RAP1GAP2: variants seen among roughly 807,000 people sequenced by gnomAD.
RAP1GAP2 encodes the protein rap1 GTPase-activating protein 2.
Under a neutral mutation model 95.0 loss-of-function variants are expected in RAP1GAP2, and 27 were observed. The observed-to-expected ratio is 0.28, with a 90% CI of 0.21 to 0.39. The LOEUF is 0.39. Ranked by LOEUF, RAP1GAP2 falls within the 10% of genes least tolerant of loss-of-function variation. The pLI is 1.00. For missense variants in RAP1GAP2, 771 were observed against 970.0 expected, an observed-to-expected ratio of 0.79 and a Z score of 2.72; for synonymous variants, 373 against 380.9, an observed-to-expected ratio of 0.98 and a Z score of 0.24.
intron 3 of RAP1GAP2, among the ~76,000 whole-genome samples, chr17:2,920,994 C>T (rs769075865): frequency 4.7e-4 from 71 of 152,120 alleles, no homozygotes; most frequent in Non-Finnish European, 8.7e-4. Context: ...ATGTCCCCTG[C>T]GTAGATCTGT....
Position 2,939,930 on chromosome 17 carries a change from A to T in RAP1GAP2, c.166-17829A>T, listed in dbSNP as rs905902776. On this transcript the variant is annotated intron_variant, in intron 3 of 24. Coordinates refer to ENST00000254695, the MANE Select transcript of RAP1GAP2 (RefSeq NM_015085.5). Reference sequence around the variant, plus strand: ...CTTCGGGCGGACACCCGAGTCCTGTAGTTCCTTGTTTGATCTGAAGGAAGT... The same window carrying T: ...CTTCGGGCGGACACCCGAGTCCTGTTGTTCCTTGTTTGATCTGAAGGAAGT... Among the ~76,000 whole-genome samples, 33 of 152,250 alleles carry T rather than the reference A, an allele frequency of 2.2e-4. 1 individual carries two copies. The highest frequency in any genetic ancestry group is 8.0e-4 in the African/African-American group (33 of 41,474).
At chr17:2,892,486 G>A (rs2073757921) in intron 2 of RAP1GAP2, among the ~76,000 whole-genome samples, 1 of 152,208 alleles carries the variant, frequency 6.6e-6, no homozygotes, top group African/African-American at 2.4e-5. Flanking sequence ...GACTGCGACG[G>A]TCCACTGGGG....
intron 8 of RAP1GAP2, among the ~76,000 whole-genome samples, chr17:2,979,254 A>C (rs148344008): frequency 6.6e-6 from 1 of 152,228 alleles, no homozygotes; most frequent in Non-Finnish European, 1.5e-5. Context: ...ATTCCATCCC[A>C]TTTATATTTT....
Position 2,758,104 on chromosome 17 carries a change from C to T in RAP1GAP2, c.50+2337C>T, listed in dbSNP as rs1259326429. ...CCGGATGGTGTCGATCTCCTGACCT[C>T]ATGATCCGCCCGCCTTGGCCTCTCA... On this transcript the variant is annotated intron_variant, in intron 1 of 25. Transcript: ENST00000637138. Among the ~76,000 whole-genome samples, 6 of 150,322 alleles carry T rather than the reference C, an allele frequency of 4.0e-5. No homozygotes were observed. In the East Asian group the frequency reaches 5.9e-4, roughly 15 times the overall value.
At chr17:2,927,291 C>G (rs993563432) in intron 3 of RAP1GAP2, among the ~76,000 whole-genome samples, 2 of 151,910 alleles carry the variant, frequency 1.3e-5, no homozygotes, top group Non-Finnish European at 2.9e-5. Flanking sequence ...GTAGCTGGGA[C>G]TACAGGCACC....
chr17:2,861,812 GC>G (rs2072406801), intron 2 of RAP1GAP2, among the ~76,000 whole-genome samples: 1 of 152,030 alleles, frequency 6.6e-6, no homozygotes, highest in South Asian at 2.1e-4. Context: ...CCGCCACCAT[GC>G]CCGGCTAATT....
At chr17:2,791,857 CTT>C (rs530185952), upstream of RAP1GAP2, among the ~76,000 whole-genome samples, 5 of 136,016 alleles carry the variant, frequency 3.7e-5, no homozygotes, top group Non-Finnish European at 3.2e-5. Context: ...CCTTTTCTCT[CTT>C]TTTTTTTTTT....
At position 2,769,232 on chromosome 17, in the gene RAP1GAP2, TAAAAAAAAAAAAAAA is replaced by T. The variant is rs58436827; in HGVS notation, c.51-1071_51-1057del. Among the ~76,000 whole-genome samples the T allele has an allele frequency of 3.6e-3, 155 of 42,908 alleles. 5 individuals are homozygous for T. The highest frequency in any genetic ancestry group is 0.042 in the Middle Eastern group (2 of 48). 28.1% of individuals were successfully genotyped at this position (42,908 alleles called of 152,430 possible). A position where few individuals can be genotyped will look rare whatever the true frequency, so the allele number is the denominator to read the frequency against. On this transcript the variant is annotated intron_variant, in intron 1 of 25. Coordinates refer to the RAP1GAP2 transcript ENST00000637138. ...GGATGAGAAAGTGAAACCATTTCTC[TAAAAAAAAAAAAAAA>T]AAAAAAAAAAAAAAAAAAAAAAAAA... is the stretch of plus-strand genomic sequence containing the variant.
Position 2,787,549 on chromosome 17 carries a change from C to T in RAP1GAP2, c.-14+10271C>T, listed in dbSNP as rs190909239. On this transcript the variant is annotated intron_variant, in intron 1 of 24. Transcript: ENST00000540393. ...AGGATGACAGGTGTGAGTCACCACA[C>T]GCTGAGCCTGTTTTTTTGTTTTGTT... Among the ~76,000 whole-genome samples, 352 of 152,214 alleles carry T rather than the reference C, an allele frequency of 2.3e-3. 1 individual carries two copies. The highest frequency in any genetic ancestry group is 7.9e-3 in the African/African-American group (330 of 41,534).
At chr17:2,927,379 T>A (rs938473367) in intron 3 of RAP1GAP2, among the ~76,000 whole-genome samples, 1 of 151,632 alleles carries the variant, frequency 6.6e-6, no homozygotes, top group Non-Finnish European at 1.5e-5. Flanking sequence ...GGTCTCGATC[T>A]CCTGACCTCG....
At chr17:2,771,276 G>T (rs1314963900) in intron 2 of RAP1GAP2, among the ~76,000 whole-genome samples, 1 of 151,884 alleles carries the variant, frequency 6.6e-6, no homozygotes, top group Admixed American at 6.6e-5. Flanking sequence ...GTCTGGGTAG[G>T]GGGCTGGGAG....
chr17:2,944,336 A>G (rs1158866903), intron 3 of RAP1GAP2, among the ~76,000 whole-genome samples: 1 of 151,856 alleles, frequency 6.6e-6, no homozygotes, highest in Non-Finnish European at 1.5e-5. Context: ...AGAACTACCA[A>G]CTTCATTCTT....
At chr17:3,026,145 G>A in intron 20 of RAP1GAP2, 24 bp downstream of exon 20, 2 of 1,555,926 alleles carry the variant, frequency 1.3e-6, no homozygotes, top group East Asian at 2.3e-5. Flanking sequence ...GGTGGGAAAG[G>A]CCAGCTTCGG....
intron 1 of RAP1GAP2, among the ~76,000 whole-genome samples, chr17:2,783,375 G>A (rs951280322): frequency 1.3e-5 from 2 of 152,114 alleles, no homozygotes; most frequent in Admixed American, 6.5e-5. Context: ...CCTAGAGCAG[G>A]GACCTGTCTG....
intron 3 of RAP1GAP2, among the ~76,000 whole-genome samples, chr17:2,909,581 G>T (rs1567767236): frequency 6.6e-6 from 1 of 152,246 alleles, no homozygotes; most frequent in East Asian, 1.9e-4. Flanking sequence ...TCCACTGGGT[G>T]CCTGCCCCTG....
At position 2,965,707 on chromosome 17, in the gene RAP1GAP2, G is replaced by T; in HGVS notation, c.596+64G>T. 1 of 1,203,370 alleles carries T rather than the reference G, an allele frequency of 8.3e-7. No homozygotes were observed. The highest frequency in any genetic ancestry group is 1.2e-6 in the Non-Finnish European group (1 of 832,002). The allele number at this position is 1,203,370 out of a possible 1,614,324, so 74.5% of individuals were successfully genotyped here. Reference sequence around the variant, plus strand: ...GGCAGGGCTCTCATCGGTGGTGTGGGGGCTGGGATGGGACTCAGAAATACC... The same window carrying T: ...GGCAGGGCTCTCATCGGTGGTGTGGTGGCTGGGATGGGACTCAGAAATACC... On this transcript the variant is annotated intron_variant, in intron 8 of 24. Transcript: ENST00000254695. This position sits in a 1 kb window ranked among gnomAD's most constrained non-coding sequence, Gnocchi z 4.7.
At chr17:2,768,781 C>T (rs1277674186) in intron 1 of RAP1GAP2, among the ~76,000 whole-genome samples, 1 of 151,558 alleles carries the variant, frequency 6.6e-6, no homozygotes, top group Non-Finnish European at 1.5e-5. Context: ...AGATCACCTT[C>T]ATTTTATGTT....
intron 3 of RAP1GAP2, among the ~76,000 whole-genome samples, chr17:2,937,395 G>C (rs1325723159): frequency 2.0e-5 from 3 of 152,222 alleles, no homozygotes; most frequent in African/African-American, 7.2e-5. Flanking sequence ...AAGTGTTCTG[G>C]ATATGGCATG....
intron 2 of RAP1GAP2, among the ~76,000 whole-genome samples, chr17:2,833,048 CAGTT>C (rs2070961930): frequency 6.6e-6 from 1 of 152,080 alleles, no homozygotes; most frequent in Admixed American, 6.6e-5. Context: ...CATACATACA[CAGTT>C]AGCTCATTCC....
Sources: gnomAD v4.1 joint callset for allele counts (sites outside exome capture counted in the v4.1 genomes callset) on GRCh38, gnomAD v4.1.1 for gene constraint, Gnocchi (gnomAD v3.1) non-coding constraint, MANE v1.5 for transcripts, NCBI Gene and HGNC (gene_info 2026-07-23, HGNC 2026-07-21) for gene names.